EHD2: variants seen among roughly 807,000 people sequenced by gnomAD.
EHD2 encodes the protein EH domain containing 2.
A neutral mutation model predicts 41.0 loss-of-function variants in EHD2; 27 were observed. The observed-to-expected ratio is 0.66, with a 90% CI of 0.49 to 0.91. The LOEUF is 0.91. Among genes scored for constraint, EHD2 ranks in the 40% least tolerant of loss-of-function variants. The pLI is 0.00. For synonymous variants in EHD2, 342 were observed against 341.0 expected (o/e 1.00, Z -0.03); for missense variants, 673 against 773.9 (o/e 0.87, Z 1.55).
At chr19:47,726,769 T>C (rs1973757868) in intron 4 of EHD2, among the ~76,000 whole-genome samples, 1 of 152,126 alleles carries the variant, frequency 6.6e-6, no homozygotes, top group South Asian at 2.1e-4. Context: ...CTTGAACTCC[T>C]GGGCTCAAGT....
intron 3 of EHD2, among the ~76,000 whole-genome samples, chr19:47,725,288 C>T (rs559380858): frequency 3.3e-5 from 5 of 151,298 alleles, no homozygotes; most frequent in East Asian, 2.0e-4. Context: ...CGGTGGCCCA[C>T]GCCTGTAATC....
chr19:47,730,331 G>C (rs1973795597), intron 4 of EHD2, among the ~76,000 whole-genome samples: 1 of 142,802 alleles, frequency 7.0e-6, no homozygotes, highest in African/African-American at 2.7e-5. Flanking sequence ...CCCCCAGCCC[G>C]GCCACACCCC....
chr19:47,728,592 A>G lies in EHD2; in HGVS notation c.915+2368A>G, dbSNP rs536525246. ...CTTTCTTTTTTTTTTTTTTTGAGAC[A>G]GGGTCTCCCTCTGTTGCCCAGGCTG... On this transcript the variant is annotated intron_variant, in intron 4 of 5. Transcript: ENST00000263277. Among the ~76,000 whole-genome samples, 289 of 129,134 alleles carry G rather than the reference A, an allele frequency of 2.2e-3. 2 individuals are homozygous for G. Among genetic ancestry groups the G allele is most frequent in the African/African-American group, 8.3e-3 (278 of 33,294 alleles). The allele number at this position is 129,134 out of a possible 152,430, so 84.7% of individuals were successfully genotyped here.
chr19:47,725,847 G>A lies in EHD2; in HGVS notation c.538G>A (p.Glu180Lys), dbSNP rs1446462850. ...DFPAVLRWFA[E>K]RVDLIILLFD... ...CCCGGCCGTGCTGCGCTGGTTCGCG[G>A]AGCGCGTGGACCTCATCATCCTGCT... is the stretch of plus-strand genomic sequence containing the variant. The change falls in exon 4 of 6, where the codon GAG (glutamate) becomes AAG (lysine). Residue 180 changes from glutamate to lysine, a missense_variant. Physicochemically the swap from Glu to Lys is moderately conservative, Grantham distance 56. Coordinates refer to ENST00000263277, the MANE Select transcript of EHD2 (RefSeq NM_014601.4). 1 of 1,600,540 alleles carries A rather than the reference G, an allele frequency of 6.2e-7. No homozygotes were observed. The highest frequency in any genetic ancestry group is 8.6e-7 in the Non-Finnish European group (1 of 1,169,290).
chr19:47,726,898 G>C (rs1269730601), intron 4 of EHD2, among the ~76,000 whole-genome samples: 1 of 152,034 alleles, frequency 6.6e-6, no homozygotes, highest in East Asian at 1.9e-4. Flanking sequence ...GGCTGGTCTT[G>C]AACTCCTGCC....
At chr19:47,724,432 G>C (rs1973728573) in intron 3 of EHD2, among the ~76,000 whole-genome samples, 2 of 152,172 alleles carry the variant, frequency 1.3e-5, no homozygotes, top group East Asian at 1.9e-4. Context: ...ACTTGCCTAA[G>C]GTCACACAGT....
At chr19:47,736,121 G>A (rs530305795) in intron 4 of EHD2, among the ~76,000 whole-genome samples, 13 of 152,246 alleles carry the variant, frequency 8.5e-5, no homozygotes, top group African/African-American at 2.4e-4. Flanking sequence ...GCTTGAAGCC[G>A]GGAGGCGGAG....
intron 4 of EHD2, among the ~76,000 whole-genome samples, 162 bp from the exon 5 acceptor site, chr19:47,736,207 A>AAG (rs566288581): frequency 7.9e-5 from 12 of 152,050 alleles, no homozygotes; most frequent in East Asian, 3.9e-4. Context: ...AAGAAAAAAA[A>AAG]AGAGAGAGAG....
intron 5 of EHD2, among the ~76,000 whole-genome samples, chr19:47,739,274 A>ATTTTT (rs57266469): frequency 2.5e-4 from 29 of 116,056 alleles, no homozygotes; most frequent in African/African-American, 7.1e-4. Context: ...CTAATTTTTA[A>ATTTTT]TTTTTTTTTT....
chr19:47,731,314 A>ATACATAT (rs1160770476), intron 4 of EHD2: 2 of 113,990 alleles, frequency 1.8e-5, no homozygotes, highest in East Asian at 2.2e-4. Context: ...ATATATATAT[A>ATACATAT]ATTTTTTTTT....
intron 5 of EHD2, among the ~76,000 whole-genome samples, chr19:47,737,876 C>CTTTTTTTTT (rs1226699986): frequency 1.0e-5 from 1 of 100,054 alleles, no homozygotes; most frequent in African/African-American, 4.1e-5. Context: ...GCCTGGCTAG[C>CTTTTTTTTT]TTTTTTTTTT....
At position 47,725,938 on chromosome 19, in the gene EHD2, A is replaced by T; in HGVS notation, c.629A>T (p.His210Leu). The T allele has an allele frequency of 3.1e-6, 5 of 1,614,002 alleles. No individual in the cohort carries two copies. Among genetic ancestry groups the T allele is most frequent in the Non-Finnish European group, 4.2e-6 (5 of 1,179,878 alleles). Residue 210 changes from histidine to leucine, a missense_variant, in exon 4 of 6, where the codon CAT becomes CTT. By Grantham distance (99) the His-to-Leu change is moderately conservative. Coordinates refer to ENST00000263277, the MANE Select transcript of EHD2 (RefSeq NM_014601.4). ...FSEAIGALRG[H>L]EDKIRVVLNK... Reference sequence around the variant, plus strand: ...GAGGCCATCGGCGCGTTGCGGGGCCATGAGGACAAGATCCGCGTGGTGCTC... The same window carrying T: ...GAGGCCATCGGCGCGTTGCGGGGCCTTGAGGACAAGATCCGCGTGGTGCTC...
chr19:47,742,025 G>A lies in EHD2; in HGVS notation c.*593G>A. The A allele has an allele frequency of 8.9e-6, 4 of 446,960 alleles. No homozygotes were observed. Among genetic ancestry groups the A allele is most frequent in the Non-Finnish European group, 1.8e-5 (4 of 223,024 alleles). The allele number at this position is 446,960 out of a possible 1,614,324, so 27.7% of individuals were successfully genotyped here. On this transcript the variant is annotated 3_prime_UTR_variant, in exon 6 of 6. Coordinates refer to ENST00000263277, the MANE Select transcript of EHD2 (RefSeq NM_014601.4). ...TCCTCAGGTCTCGGGACCATGGGGG[G>A]CTCAGAGGGGAGACACACCTACTGC... is the stretch of plus-strand genomic sequence containing the variant.
rs1973595510 is a variant in EHD2 at position 47,713,553 on chromosome 19, C to CACCGCAGCTGTCGCCTCCCG, written c.-56+19_-56+38dup. 1 of 153,304 alleles carries CACCGCAGCTGTCGCCTCCCG rather than the reference C, an allele frequency of 6.5e-6. No individual in the cohort carries two copies. Among genetic ancestry groups the CACCGCAGCTGTCGCCTCCCG allele is most frequent in the Non-Finnish European group, 1.5e-5 (1 of 68,842 alleles). 9.5% of individuals were successfully genotyped at this position (153,304 alleles called of 1,614,324 possible). On this transcript the variant is annotated intron_variant, in intron 1 of 5. Transcript: ENST00000263277. ...GCGCCCCGTCGGTGAGTGCTCCCAG[C>CACCGCAGCTGTCGCCTCCCG]ACCGCAGCTGTCGCCTCCCGACCCC...
intron 1 of EHD2, among the ~76,000 whole-genome samples, chr19:47,715,138 A>T (rs1382318721): frequency 6.6e-6 from 1 of 152,160 alleles, no homozygotes; most frequent in Non-Finnish European, 1.5e-5. Context: ...ACAGGGTTAT[A>T]AATGTTAAGT....
intron 1 of EHD2, among the ~76,000 whole-genome samples, chr19:47,715,513 C>T (rs1254594612): frequency 1.3e-5 from 2 of 151,978 alleles, no homozygotes; most frequent in African/African-American, 4.8e-5. Flanking sequence ...TACTGGGGGC[C>T]CTGGGTGGGT....
Position 47,741,011 on chromosome 19 carries a change from G to A in EHD2, c.1211G>A (p.Ser404Asn), listed in dbSNP as rs766684150. Residue 404 changes from serine to asparagine, a missense_variant, in exon 6 of 6, where the codon AGC (serine) becomes AAC (asparagine). Coordinates refer to ENST00000263277, the MANE Select transcript of EHD2 (RefSeq NM_014601.4). This position sits in a 1 kb window ranked among gnomAD's most constrained non-coding sequence, Gnocchi z 4.5. ...CTGCTGCGGCAGGAGGAGCTGGAGAGCACCGAGGTGGGCGTGCAGGGGGGC... is the reference window on the plus strand; with the variant it reads ...CTGCTGCGGCAGGAGGAGCTGGAGAACACCGAGGTGGGCGTGCAGGGGGGC... ...MPLLRQEELE[S>N]TEVGVQGGAF... 1 of 1,610,562 alleles carries A rather than the reference G, an allele frequency of 6.2e-7. No homozygotes were observed. The highest frequency in any genetic ancestry group is 8.5e-7 in the Non-Finnish European group (1 of 1,179,872).
At chr19:47,728,279 G>C (rs1186516981) in intron 4 of EHD2, among the ~76,000 whole-genome samples, 1 of 151,734 alleles carries the variant, frequency 6.6e-6, no homozygotes, top group Non-Finnish European at 1.5e-5. Flanking sequence ...TCAGTCCTGT[G>C]CACTTGCTGC....
At chr19:47,717,889 C>T (rs1599886015) in intron 2 of EHD2, among the ~76,000 whole-genome samples, 1 of 122,260 alleles carries the variant, frequency 8.2e-6, no homozygotes, top group African/African-American at 3.3e-5. Context: ...GCCTGGGCAA[C>T]AGAGCGAGAC....
Sources: gnomAD v4.1 joint callset for allele counts (sites outside exome capture counted in the v4.1 genomes callset) on GRCh38, gnomAD v4.1.1 for gene constraint, Gnocchi (gnomAD v3.1) non-coding constraint, MANE v1.5 for transcripts, NCBI Gene and HGNC (gene_info 2026-07-23, HGNC 2026-07-21) for gene names.